TLE6: variants seen among roughly 807,000 people sequenced by gnomAD.
The protein encoded by TLE6 is TLE family member 6, subcortical maternal complex member, also known as transducin-like enhancer protein 6.
TLE6 carries 72 observed loss-of-function variants against 77.1 expected under a neutral mutation model. That is an observed-to-expected ratio of 0.93 (90% CI 0.77 to 1.14). TLE6 has a LOEUF of 1.14. Among genes scored for constraint, TLE6 ranks in the 50% most tolerant of loss-of-function variants. The pLI, the probability that TLE6 is intolerant of heterozygous loss-of-function variation, is 0.00. For synonymous variants in TLE6, 366 were observed against 287.3 expected (o/e 1.27, Z -2.77); for missense variants, 843 against 747.6 (o/e 1.13, Z -1.49).
chr19:2,992,058 G>A (rs2089080239), intron 14 of TLE6, 74 bp downstream of exon 14: 61 of 1,556,974 alleles, frequency 3.9e-5, no homozygotes, highest in Non-Finnish European at 5.2e-5. Context: ...GGTTGAGGCC[G>A]GGCTCCGTGG....
intron 13 of TLE6, among the ~76,000 whole-genome samples, chr19:2,991,025 C>T (rs1230927875): frequency 2.2e-5 from 3 of 134,230 alleles, no homozygotes; most frequent in African/African-American, 1.2e-4. Context: ...TACATACATA[C>T]ATACATACAT....
Position 2,978,185 on chromosome 19 carries a change from CTTG to C in TLE6, c.-36-7_-36-5del, listed in dbSNP as rs1344696917. 5 of 1,544,318 alleles carry C rather than the reference CTTG, an allele frequency of 3.2e-6. No individual in the cohort carries two copies. Among genetic ancestry groups the C allele is most frequent in the East Asian group, 2.4e-5 (1 of 40,886 alleles). ...TCTGTCCCTCAAGACCTGCCGTCTC[CTTG>C]TTGTTTTAGACTCTGGCTAAAGTCT... is the stretch of plus-strand genomic sequence containing the variant. On this transcript the variant is annotated splice_polypyrimidine_tract_variant and intron_variant, in intron 1 of 16. Coordinates refer to ENST00000246112, the MANE Select transcript of TLE6 (RefSeq NM_001143986.2).
At chr19:2,988,437 A>G (rs1944803436) in intron 11 of TLE6, among the ~76,000 whole-genome samples, 1 of 152,122 alleles carries the variant, frequency 6.6e-6, no homozygotes, top group African/African-American at 2.4e-5. Context: ...TCTACTAAAA[A>G]TACAAAAAAA....
intron 2 of TLE6, among the ~76,000 whole-genome samples, chr19:2,979,613 T>G (rs546483102): frequency 6.6e-5 from 10 of 152,116 alleles, no homozygotes; most frequent in Admixed American, 5.9e-4. Context: ...TTTTAGACTT[T>G]AGGCCAAAGT....
At chr19:2,993,305 C>G in intron 14 of TLE6, 127 bp from the exon 15 acceptor site, 1 of 977,826 alleles carries the variant, frequency 1.0e-6, no homozygotes, top group Non-Finnish European at 1.5e-6. Flanking sequence ...GTTGCTTGTC[C>G]CAGGGCTGCA....
intron 5 of TLE6, among the ~76,000 whole-genome samples, chr19:2,982,926 A>G (rs2088828893): frequency 6.6e-6 from 1 of 152,076 alleles, no homozygotes; most frequent in African/African-American, 2.4e-5. Context: ...GAGGGGCCAT[A>G]TGACATGGGA....
chr19:2,990,112 C>T (rs756159188), intron 13 of TLE6, among the ~76,000 whole-genome samples: 2 of 152,078 alleles, frequency 1.3e-5, no homozygotes, highest in Non-Finnish European at 2.9e-5. Context: ...AAATATAAAA[C>T]AGCAGGCCAG....
At chr19:2,977,944 T>C (rs975397394) in intron 1 of TLE6, among the ~76,000 whole-genome samples, 2 of 151,970 alleles carry the variant, frequency 1.3e-5, no homozygotes, top group Admixed American at 6.6e-5. Context: ...ATGTGCACTA[T>C]CCACCCCAGC....
At position 2,989,100 on chromosome 19, in the gene TLE6, G is replaced by A; in HGVS notation, c.780G>A (p.Arg260=). 1 of 1,614,126 alleles carries A rather than the reference G, an allele frequency of 6.2e-7. No homozygotes were observed. Among genetic ancestry groups the A allele is most frequent in the Non-Finnish European group, 8.5e-7 (1 of 1,180,044 alleles). The change falls in exon 12 of 17, where the codon AGG becomes AGA. Residue 260 remains arginine, a synonymous_variant. Transcript: ENST00000246112. ...DPEDFEDAWK[R]PDALPGQSKR... is the part of the protein sequence containing the mutation. ...AGGACTTTGAAGATGCATGGAAGAG[G>A]CCAGATGCCTTGCCCGGGCAGTCAA... is the stretch of plus-strand genomic sequence containing the variant.
intron 16 of TLE6, 107 bp from the exon 17 acceptor site, chr19:2,994,793 G>GA: frequency 1.5e-6 from 1 of 653,728 alleles, no homozygotes; most frequent in Non-Finnish European, 2.7e-6. Flanking sequence ...AACAGAGCAA[G>GA]ACCCTGTCTT....
intron 3 of TLE6, among the ~76,000 whole-genome samples, chr19:2,981,253 G>T (rs146222191): frequency 6.6e-6 from 1 of 151,148 alleles, no homozygotes; most frequent in African/African-American, 2.4e-5. Context: ...CCAGCTACTC[G>T]GGAGGTCGAG....
intron 13 of TLE6, among the ~76,000 whole-genome samples, chr19:2,991,395 T>TATATAC (rs1555686268): frequency 0.05 from 5,734 of 113,866 alleles, 183 homozygotes; most frequent in Non-Finnish European, 0.073. Context: ...TATATATATA[T>TATATAC]ACACACACAC....
At chr19:2,991,376 G>T (rs867867806) in intron 13 of TLE6, among the ~76,000 whole-genome samples, 7 of 105,548 alleles carry the variant, frequency 6.6e-5, no homozygotes, top group Admixed American at 3.6e-4. Flanking sequence ...AAAAAAATAC[G>T]TATATATATA....
In TLE6 at chr19:2,987,703, TGA is replaced by T. The variant is rs2088947036; in HGVS notation, c.559-18_559-17del. The T allele has an allele frequency of 1.2e-6, 2 of 1,614,046 alleles. No individual in the cohort carries two copies. The highest frequency in any genetic ancestry group is 4.5e-5 in the East Asian group (2 of 44,874). ...CTAACAGGCAGGTCAGCAGGCCTGA[TGA>T]GACTTTTCCATTTTCCAGGGGCAGG... On this transcript the variant is annotated intron_variant, in intron 8 of 16. Coordinates refer to ENST00000246112, the MANE Select transcript of TLE6 (RefSeq NM_001143986.2).
chr19:2,991,720 G>C, intron 13 of TLE6, 123 bp from the exon 14 acceptor site: 1 of 903,922 alleles, frequency 1.1e-6, no homozygotes, highest in Non-Finnish European at 1.7e-6. Context: ...GACACTCTGT[G>C]CAGGCAGAGA....
At chr19:2,989,943 G>C (rs978896662) in intron 13 of TLE6, among the ~76,000 whole-genome samples, 158 bp downstream of exon 13, 3 of 128,704 alleles carry the variant, frequency 2.3e-5, no homozygotes, top group African/African-American at 3.9e-5. Flanking sequence ...CTTGAACTTG[G>C]ATTTGAGAAA....
intron 13 of TLE6, among the ~76,000 whole-genome samples, chr19:2,990,869 C>T (rs2089035039): frequency 6.6e-6 from 1 of 151,058 alleles, no homozygotes; most frequent in African/African-American, 2.4e-5. Flanking sequence ...GGCGTGGTGG[C>T]ACATGCCTGT....
chr19:2,991,232 G>A (rs1307939892), intron 13 of TLE6, among the ~76,000 whole-genome samples: 1 of 150,888 alleles, frequency 6.6e-6, no homozygotes, highest in Non-Finnish European at 1.5e-5. Context: ...GGTGGCCCAT[G>A]CCTGTAATGC....
At chr19:2,980,216 C>A in intron 3 of TLE6, 34 bp downstream of exon 3, 2 of 1,526,420 alleles carry the variant, frequency 1.3e-6, no homozygotes, top group Non-Finnish European at 1.8e-6. Context: ...AGGTCTCACG[C>A]TGGGAAGGAG....
Sources: allele counts gnomAD v4.1 joint callset (sites outside exome capture counted in the v4.1 genomes callset), GRCh38; gene constraint gnomAD v4.1.1; transcripts MANE v1.5; gene names NCBI Gene and HGNC (gene_info 2026-07-23, HGNC 2026-07-21).